The following CTNNA3 variants were observed in gnomAD, a reference collection of about 807,000 sequenced individuals.
CTNNA3 encodes catenin alpha 3, also known as catenin alpha-3.
In CTNNA3, 76 loss-of-function variants were observed where a neutral mutation model predicts 95.7. That is an observed-to-expected ratio of 0.79 (90% CI 0.66 to 0.96). CTNNA3 has a LOEUF of 0.96. Among genes scored for constraint, CTNNA3 ranks in the 40% least tolerant of loss-of-function variants. CTNNA3 has a pLI of 0.00. For missense variants in CTNNA3, 1,191 were observed against 1,089.8 expected, an observed-to-expected ratio of 1.09 and a Z score of -1.31; for synonymous variants, 431 against 374.4, an observed-to-expected ratio of 1.15 and a Z score of -1.74.
intron 11 of CTNNA3, among the ~76,000 whole-genome samples, chr10:66,426,191 C>T (rs1258430325): frequency 6.6e-6 from 1 of 151,922 alleles, no homozygotes; most frequent in Non-Finnish European, 1.5e-5. Context: ...CTTTTTCCAA[C>T]TTTTGGCTAG....
intron 9 of CTNNA3, among the ~76,000 whole-genome samples, chr10:66,668,844 T>A (rs916006596): frequency 1.3e-5 from 2 of 151,880 alleles, no homozygotes; most frequent in Non-Finnish European, 1.5e-5. Context: ...ATCTCACATA[T>A]ATATTCTATA....
rs374208252 is a variant in CTNNA3, at chr10:66,083,640, G to T, written c.1978-14151C>A. ...ATGGTCTTGGTAAAGAGGCAACTAA[G>T]GTCTGGCTTATTCTTCTACGCTAGT... On this transcript the variant is annotated intron_variant, in intron 14 of 17. Coordinates refer to ENST00000433211, the MANE Select transcript of CTNNA3 (RefSeq NM_013266.4). 2.3e-4 allele frequency among the ~76,000 whole-genome samples: 35 copies of T among 152,296 alleles called. 1 individual carries two copies. In the East Asian group the frequency reaches 6.6e-3, roughly 29 times the overall value.
chr10:66,082,379 A>G (rs2080798908), intron 14 of CTNNA3, among the ~76,000 whole-genome samples: 1 of 152,128 alleles, frequency 6.6e-6, no homozygotes, highest in African/African-American at 2.4e-5. Context: ...ACAAATTCAA[A>G]TTATATGAGA....
chr10:67,295,334 A>T (rs1839992743), intron 5 of CTNNA3, among the ~76,000 whole-genome samples: 1 of 152,238 alleles, frequency 6.6e-6, no homozygotes, highest in African/African-American at 2.4e-5. Context: ...GACAACAGAT[A>T]GATCATAAAT....
At chr10:66,358,862 C>T (rs942882090) in intron 12 of CTNNA3, among the ~76,000 whole-genome samples, 2 of 152,170 alleles carry the variant, frequency 1.3e-5, no homozygotes, top group African/African-American at 4.8e-5. Context: ...TCTACCTGGT[C>T]TTCTCTGACC....
At chr10:66,199,511 T>C (rs2087181018) in intron 13 of CTNNA3, among the ~76,000 whole-genome samples, 2 of 151,810 alleles carry the variant, frequency 1.3e-5, no homozygotes, top group South Asian at 4.1e-4. Flanking sequence ...GTATGGTCTT[T>C]ACATTTTATC....
chr10:66,145,787 A>C (rs2083852948), intron 13 of CTNNA3, among the ~76,000 whole-genome samples: 1 of 152,132 alleles, frequency 6.6e-6, no homozygotes. Context: ...TCATAGATAC[A>C]CATAGAGATG....
intron 1 of CTNNA3, among the ~76,000 whole-genome samples, chr10:67,680,140 C>T (rs1293790656): frequency 2.0e-5 from 3 of 152,264 alleles, no homozygotes; most frequent in African/African-American, 4.8e-5. Context: ...GCTCAGGCCC[C>T]AAGCAATCAG....
intron 7 of CTNNA3, among the ~76,000 whole-genome samples, chr10:66,861,969 CT>C: frequency 6.6e-6 from 1 of 152,266 alleles, no homozygotes; most frequent in East Asian, 1.9e-4. Context: ...AATCCCAGCA[CT>C]TTGGGAGGCC....
chr10:67,305,483 T>C (rs2132510293), intron 5 of CTNNA3, among the ~76,000 whole-genome samples: 1 of 149,510 alleles, frequency 6.7e-6, no homozygotes, highest in Non-Finnish European at 1.5e-5. Context: ...TAAAGAAGGG[T>C]CTTGTACCCT....
At chr10:66,020,717 G>C (rs1229281171) in intron 15 of CTNNA3, among the ~76,000 whole-genome samples, 1 of 148,546 alleles carries the variant, frequency 6.7e-6, no homozygotes, top group Non-Finnish European at 1.5e-5. Context: ...GTCCAGGCTG[G>C]AGTGCAATGG....
At chr10:66,800,804 T>C (rs1355081445) in intron 7 of CTNNA3, among the ~76,000 whole-genome samples, 1 of 151,330 alleles carries the variant, frequency 6.6e-6, no homozygotes, top group Non-Finnish European at 1.5e-5. Flanking sequence ...AGTATTTTTA[T>C]TTGCTGAAAC....
chr10:67,450,675 T>C (rs939571744), intron 5 of CTNNA3, among the ~76,000 whole-genome samples: 28 of 151,866 alleles, frequency 1.8e-4, no homozygotes, highest in African/African-American at 6.5e-4. Flanking sequence ...AAAATAACTA[T>C]TGGGTACTAG....
chr10:66,970,266 A>G (rs1472668179), intron 7 of CTNNA3, among the ~76,000 whole-genome samples: 2 of 152,132 alleles, frequency 1.3e-5, no homozygotes, highest in Admixed American at 1.3e-4. Flanking sequence ...AGTCATAAGG[A>G]TGGCTATTGG....
intron 13 of CTNNA3, among the ~76,000 whole-genome samples, chr10:66,254,047 A>T (rs1350908106): frequency 6.6e-6 from 1 of 152,164 alleles, no homozygotes; most frequent in Non-Finnish European, 1.5e-5. Flanking sequence ...GGAGCCTCAG[A>T]TGCCTTCTCT....
chr10:67,577,148 G>A (rs1376371923), intron 3 of CTNNA3, among the ~76,000 whole-genome samples: 1 of 151,210 alleles, frequency 6.6e-6, no homozygotes, highest in Non-Finnish European at 1.5e-5. Flanking sequence ...CACAATGGTT[G>A]AACTAGTTTA....
chr10:66,159,287 T>A (rs1461851238), intron 13 of CTNNA3, among the ~76,000 whole-genome samples: 1 of 152,140 alleles, frequency 6.6e-6, no homozygotes, highest in Non-Finnish European at 1.5e-5. Context: ...TAATGTTGGC[T>A]GTGAGTTTGT....
chr10:67,385,580 T>G (rs1336197666), intron 5 of CTNNA3, among the ~76,000 whole-genome samples: 1 of 152,212 alleles, frequency 6.6e-6, no homozygotes, highest in Non-Finnish European at 1.5e-5. Context: ...AATATCTATA[T>G]GTGTATAGTT....
At chr10:67,211,784 C>T (rs775234922) in intron 6 of CTNNA3, among the ~76,000 whole-genome samples, 6 of 152,080 alleles carry the variant, frequency 3.9e-5, no homozygotes, top group South Asian at 2.1e-4. Flanking sequence ...GGAGGGCTCA[C>T]GAAATATGTG....
Sources: gnomAD v4.1 joint callset for allele counts (sites outside exome capture counted in the v4.1 genomes callset) on GRCh38, gnomAD v4.1.1 for gene constraint, MANE v1.5 for transcripts, NCBI Gene and HGNC (gene_info 2026-07-23, HGNC 2026-07-21) for gene names.